Variants in GRIK4 observed in about 807,000 individuals in gnomAD.
The protein encoded by GRIK4 is glutamate receptor ionotropic, kainate 4.
Under a neutral mutation model 104.9 loss-of-function variants are expected in GRIK4, and 40 were observed. That is an observed-to-expected ratio of 0.38 (90% CI 0.30 to 0.50). The LOEUF (loss-of-function observed/expected upper bound fraction) is 0.50. Ranked by LOEUF, GRIK4 falls within the 20% of genes least tolerant of loss-of-function variation. The probability of loss-of-function intolerance (pLI) is 0.93; values close to 1 mark genes in which losing one functional copy is unlikely to be tolerated. For synonymous variants in GRIK4, 485 were observed against 524.9 expected, an observed-to-expected ratio of 0.92 and a Z score of 1.04; for missense variants, 1,047 against 1,308.1, an observed-to-expected ratio of 0.80 and a Z score of 3.08.
At chr11:120,679,569 C>T (rs1368157852) in intron 3 of GRIK4, among the ~76,000 whole-genome samples, 1 of 152,170 alleles carries the variant, frequency 6.6e-6, no homozygotes, top group Non-Finnish European at 1.5e-5. Context: ...TGTGATGGTG[C>T]AGGGAGCAGC....
At chr11:120,585,769 T>G (rs1051459057) in intron 1 of GRIK4, among the ~76,000 whole-genome samples, 1 of 151,884 alleles carries the variant, frequency 6.6e-6, no homozygotes, top group African/African-American at 2.4e-5. Context: ...TTAGCACCAT[T>G]TGTTGAAAAG....
chr11:120,515,023 C>G (rs529082314), intron 1 of GRIK4: 3 of 456,712 alleles, frequency 6.6e-6, no homozygotes, highest in Admixed American at 4.7e-5. Flanking sequence ...TCTCAGCAGC[C>G]GTCAGTGGCA....
chr11:120,828,016 C>T (rs1287897453), intron 6 of GRIK4, among the ~76,000 whole-genome samples: 1 of 152,164 alleles, frequency 6.6e-6, no homozygotes, highest in Non-Finnish European at 1.5e-5. Context: ...ACAGCCCTTC[C>T]TTCTCTCCCT....
chr11:120,862,510 G>A (rs1453198350), intron 9 of GRIK4, among the ~76,000 whole-genome samples: 1 of 152,234 alleles, frequency 6.6e-6, no homozygotes, highest in Non-Finnish European at 1.5e-5. Context: ...GGAATGGGAT[G>A]TGGAGTGGGG....
chr11:120,518,655 G>A (rs1947759300), intron 1 of GRIK4, among the ~76,000 whole-genome samples: 1 of 152,070 alleles, frequency 6.6e-6, no homozygotes, highest in Non-Finnish European at 1.5e-5. Flanking sequence ...ATGGAGTCTG[G>A]CTCTGTTGGC....
chr11:120,599,708 G>A (rs895283048), intron 1 of GRIK4, among the ~76,000 whole-genome samples: 6 of 152,238 alleles, frequency 3.9e-5, no homozygotes, highest in African/African-American at 1.4e-4. Context: ...CCAGCTTTGG[G>A]TATTCCTGGG....
chr11:120,769,082 G>T (rs566690506), intron 3 of GRIK4, among the ~76,000 whole-genome samples: 1 of 152,252 alleles, frequency 6.6e-6, no homozygotes, highest in African/African-American at 2.4e-5. Flanking sequence ...CCCTCTAGCT[G>T]TATTTTTTGG....
At chr11:120,566,471 C>T (rs139853698) in intron 1 of GRIK4, among the ~76,000 whole-genome samples, 1 of 152,260 alleles carries the variant, frequency 6.6e-6, no homozygotes, top group East Asian at 1.9e-4. Flanking sequence ...CGAAGTTGGG[C>T]CAGCCTACGA....
At chr11:120,898,978 C>T (rs1942660693) in intron 12 of GRIK4, among the ~76,000 whole-genome samples, 2 of 152,160 alleles carry the variant, frequency 1.3e-5, no homozygotes, top group African/African-American at 4.8e-5. Context: ...ACCCCTGCCC[C>T]TTCCCAGCAG....
At chr11:120,914,279 G>T (rs1943060683) in intron 13 of GRIK4, among the ~76,000 whole-genome samples, 1 of 152,230 alleles carries the variant, frequency 6.6e-6, no homozygotes. Context: ...TAGTTATAAT[G>T]ATGGTAATAA....
intron 3 of GRIK4, among the ~76,000 whole-genome samples, chr11:120,800,930 A>C (rs1952610225): frequency 6.6e-6 from 1 of 152,120 alleles, no homozygotes; most frequent in African/African-American, 2.4e-5. Context: ...CTTTTAATGT[A>C]ATGGCTTTCT....
intron 8 of GRIK4, among the ~76,000 whole-genome samples, chr11:120,848,210 C>T (rs538976752): frequency 6.6e-6 from 1 of 152,258 alleles, no homozygotes; most frequent in African/African-American, 2.4e-5. Context: ...CAGACTGACT[C>T]TAAGATGCTA....
intron 19 of GRIK4, among the ~76,000 whole-genome samples, chr11:120,976,508 G>A (rs1000548983): frequency 2.6e-5 from 4 of 152,158 alleles, no homozygotes; most frequent in African/African-American, 4.8e-5. Context: ...CCTGGAGATC[G>A]GACTATTTGA....
rs138187229 is a variant in GRIK4, at chr11:120,814,721, C to T, written c.248-657C>T. Among the ~76,000 whole-genome samples the T allele has an allele frequency of 8.2e-3, 1,246 of 152,298 alleles. 12 individuals carry two copies. The highest frequency in any genetic ancestry group is 0.027 in the African/African-American group (1,134 of 41,570). On this transcript the variant is annotated intron_variant, in intron 4 of 20. Transcript: ENST00000527524. ...AAGGCCAGATGCCAGGCATGCTGGT[C>T]GGTCAGGACGGGACCTGCTCTACCT...
At position 120,905,283 on chromosome 11, in the gene GRIK4, G is replaced by C. The variant is rs200803983; in HGVS notation, c.1273-7G>C. ...ATGAGAATGACAGCTGCCCAGTTTTGCTGCAGGAGAACCCATATTTAATGC... is the reference window on the plus strand; with the variant it reads ...ATGAGAATGACAGCTGCCCAGTTTTCCTGCAGGAGAACCCATATTTAATGC... On this transcript the variant is annotated splice_region_variant and splice_polypyrimidine_tract_variant and intron_variant, in intron 12 of 20. Coordinates refer to ENST00000527524, the MANE Select transcript of GRIK4 (RefSeq NM_014619.5). This position sits in a 1 kb window ranked among gnomAD's most constrained non-coding sequence, Gnocchi z 5.1. 724 of 1,601,390 alleles carry C rather than the reference G, an allele frequency of 4.5e-4. 4 individuals are homozygous for C. In the African/African-American group the frequency reaches 8.6e-3, roughly 19 times the overall value.
At position 120,962,666 on chromosome 11, in the gene GRIK4, A is replaced by G. The variant is rs1282281683; in HGVS notation, c.2251A>G (p.Ile751Val). The G allele has an allele frequency of 6.2e-7, 1 of 1,613,114 alleles. No individual in the cohort carries two copies. Among genetic ancestry groups the G allele is most frequent in the Non-Finnish European group, 8.5e-7 (1 of 1,179,150 alleles). Residue 751 changes from isoleucine (I) to valine (V), a missense_variant, in exon 18 of 21, where the codon ATT (isoleucine) becomes GTT (valine). Physicochemically the swap from Ile to Val is conservative, Grantham distance 29. Around this residue, in one of 3 missense-constraint regions of GRIK4, gnomAD observed 440 missense variants for 652.3 expected, o/e 0.67. Coordinates refer to ENST00000527524, the MANE Select transcript of GRIK4 (RefSeq NM_014619.5). ...GGLLDTKGYGIGMPVGSVFRD... is the reference protein window; with the variant it reads ...GGLLDTKGYGVGMPVGSVFRD... ...CCTGCTGGACACCAAGGGCTATGGGATTGGCATGCCAGTCGGTATGCGGGA... is the reference window on the plus strand; with the variant it reads ...CCTGCTGGACACCAAGGGCTATGGGGTTGGCATGCCAGTCGGTATGCGGGA...
chr11:120,683,705 G>A (rs1950232672), intron 3 of GRIK4, among the ~76,000 whole-genome samples: 1 of 152,212 alleles, frequency 6.6e-6, no homozygotes, highest in Non-Finnish European at 1.5e-5. Flanking sequence ...ATAATGAACT[G>A]CAGGACTAAA....
chr11:120,780,739 G>GT (rs544942982), intron 3 of GRIK4, among the ~76,000 whole-genome samples: 268 of 151,472 alleles, frequency 1.8e-3, no homozygotes, highest in Non-Finnish European at 2.1e-3. Flanking sequence ...TTTGTTTGTT[G>GT]TTTTTTTTGT....
intron 3 of GRIK4, among the ~76,000 whole-genome samples, chr11:120,700,568 C>T (rs1296305748): frequency 1.3e-5 from 2 of 152,198 alleles, no homozygotes; most frequent in Non-Finnish European, 2.9e-5. Flanking sequence ...AAGCAATTCT[C>T]CTGCCTCAGC....
Sources: allele counts gnomAD v4.1 joint callset (sites outside exome capture counted in the v4.1 genomes callset), GRCh38; gene constraint gnomAD v4.1.1; regional missense constraint gnomAD v4.1.1; non-coding constraint Gnocchi (gnomAD v3.1); transcripts MANE v1.5; gene names NCBI Gene and HGNC (gene_info 2026-07-23, HGNC 2026-07-21).